The following UBA2 variants were observed in gnomAD, a reference collection of about 807,000 sequenced individuals.
UBA2 encodes the protein SUMO-activating enzyme subunit 2.
UBA2 carries 11 observed loss-of-function variants against 77.2 expected under a neutral mutation model. That is an observed-to-expected ratio of 0.14 (90% confidence interval 0.09 to 0.24). The LOEUF is 0.24. UBA2 is among the 10% of genes least tolerant of loss of function. The pLI is 1.00. For missense variants in UBA2, 487 were observed against 781.7 expected, an observed-to-expected ratio of 0.62 and a Z score of 4.50; for synonymous variants, 278 against 276.7, an observed-to-expected ratio of 1.00 and a Z score of -0.05.
intron 15 of UBA2, among the ~76,000 whole-genome samples, chr19:34,464,881 G>A (rs969214560): frequency 6.6e-6 from 1 of 151,966 alleles, no homozygotes; most frequent in African/African-American, 2.4e-5. Flanking sequence ...AGGTCGAGGC[G>A]GGTGGATCAC....
intron 6 of UBA2, among the ~76,000 whole-genome samples, chr19:34,439,493 A>G (rs1372422330): frequency 6.6e-6 from 1 of 152,194 alleles, no homozygotes; most frequent in Admixed American, 6.5e-5. Flanking sequence ...CTTTACTAAG[A>G]ATCCAATTTA....
chr19:34,442,240 A>C (rs892638807), intron 6 of UBA2, among the ~76,000 whole-genome samples: 15 of 152,148 alleles, frequency 9.9e-5, no homozygotes, highest in Admixed American at 1.3e-4. Context: ...CACACACACA[A>C]AAAAGATAAT....
intron 4 of UBA2, 147 bp downstream of exon 4, chr19:34,433,559 T>C (rs2075277955): frequency 1.6e-6 from 1 of 634,588 alleles, no homozygotes; most frequent in African/African-American, 1.8e-5. Flanking sequence ...TGCCCATTGA[T>C]TGCAGTTTTA....
chr19:34,447,987 A>G (rs2075449848), intron 8 of UBA2, among the ~76,000 whole-genome samples: 1 of 152,162 alleles, frequency 6.6e-6, no homozygotes, highest in Non-Finnish European at 1.5e-5. Flanking sequence ...ATTAAGGGGG[A>G]GAGTGGAAAA....
chr19:34,428,897 G>A, intron 1 of UBA2: 1 of 1,013,020 alleles, frequency 9.9e-7, no homozygotes, highest in Non-Finnish European at 1.2e-6. Context: ...CCGGCTGTTA[G>A]GAGATGCGGG....
chr19:34,452,152 GT>G lies in UBA2; in HGVS notation c.1038+9del. On this transcript the variant is annotated splice_donor_region_variant and intron_variant, in intron 10 of 16. Coordinates refer to ENST00000246548, the MANE Select transcript of UBA2 (RefSeq NM_005499.3). ...GCTGAGCTCATATGGGATAAGGTTCGTTTTGACAATGTGTGGCAAGTACTTA... is the reference window on the plus strand; with the variant it reads ...GCTGAGCTCATATGGGATAAGGTTCGTTTGACAATGTGTGGCAAGTACTTA... 1 of 1,574,514 alleles carries G rather than the reference GT, an allele frequency of 6.4e-7. No individual in the cohort carries two copies. The highest frequency in any genetic ancestry group is 8.7e-7 in the Non-Finnish European group (1 of 1,155,248).
At chr19:34,429,659 G>A (rs2075229097) in intron 1 of UBA2, among the ~76,000 whole-genome samples, 1 of 151,950 alleles carries the variant, frequency 6.6e-6, no homozygotes, top group South Asian at 2.1e-4. Context: ...GCAACATAGA[G>A]AAACCCCGTC....
intron 16 of UBA2, among the ~76,000 whole-genome samples, chr19:34,468,130 T>C (rs79131487): frequency 1.2e-3 from 183 of 152,306 alleles, no homozygotes; most frequent in East Asian, 0.01. Flanking sequence ...TATTTACTCC[T>C]CTCCCTTTCT....
chr19:34,428,631 G>C, intron 1 of UBA2, 61 bp downstream of exon 1: 3 of 1,260,914 alleles, frequency 2.4e-6, no homozygotes, highest in Non-Finnish European at 2.0e-6. Flanking sequence ...GGATTCGGGG[G>C]TTCCGGGGCT....
Position 34,454,537 on chromosome 19 carries a change from A to G in UBA2, c.1226A>G (p.Lys409Arg). 6.3e-7 allele frequency: 1 copy of G among 1,599,290 alleles called. No homozygotes were observed. Among genetic ancestry groups the G allele is most frequent in the Non-Finnish European group, 8.5e-7 (1 of 1,169,764 alleles). ...GAAGGATTGAAGATTTTATCAGGAA[A>G]AATAGACCAGTGCAGAACAGTGAGT... ...VLEGLKILSG[K>R]IDQCRTIFLN... is the part of the protein sequence containing the mutation. The change falls in exon 12 of 17, where the codon AAA (lysine) becomes AGA (arginine). Residue 409 changes from lysine (K) to arginine (R), a missense_variant. By Grantham distance (26) the Lys-to-Arg change is conservative. Around this residue, in one of 9 missense-constraint regions of UBA2, gnomAD observed 300 missense variants for 454.3 expected, o/e 0.66. Transcript: ENST00000246548.
Position 34,434,917 on chromosome 19 carries a change from T to A in UBA2, c.408T>A (p.Leu136=). ...TGTGCCTGGCAGCTGATGTTCCTCTTATTGAAAGTGGAACAGCTGGGTATC... is the reference window on the plus strand; with the variant it reads ...TGTGCCTGGCAGCTGATGTTCCTCTAATTGAAAGTGGAACAGCTGGGTATC... ...NRMCLAADVP[L]IESGTAGYLG... is the part of the protein sequence containing the mutation. Residue 136 remains leucine (L), a synonymous_variant, in exon 5 of 17, where the codon CTT becomes CTA. Coordinates refer to ENST00000246548, the MANE Select transcript of UBA2 (RefSeq NM_005499.3). The A allele has an allele frequency of 6.2e-7, 1 of 1,610,102 alleles. No homozygotes were observed. Among genetic ancestry groups the A allele is most frequent in the African/African-American group, 1.3e-5 (1 of 75,004 alleles).
At chr19:34,466,849 T>TA (rs2075693558) in intron 15 of UBA2, 29 bp from the exon 16 acceptor site, 1 of 1,608,778 alleles carries the variant, frequency 6.2e-7, no homozygotes, top group South Asian at 1.1e-5. Flanking sequence ...TAAATAGTCA[T>TA]AGCAGTGACC....
chr19:34,468,911 T>A, intron 16 of UBA2, 129 bp from the exon 17 acceptor site: 1 of 674,952 alleles, frequency 1.5e-6, no homozygotes, highest in African/African-American at 1.8e-5. Context: ...ATGTGTAAAG[T>A]GAAAATGCAG....
chr19:34,443,633 G>A (rs2075394347), intron 6 of UBA2, among the ~76,000 whole-genome samples: 1 of 151,896 alleles, frequency 6.6e-6, no homozygotes, highest in South Asian at 2.1e-4. Flanking sequence ...GTAGAGACGA[G>A]GTTTCACCAT....
Position 34,454,530 on chromosome 19 carries a change from TC to T in UBA2, c.1220del (p.Ser407Ter). ...LIVLEGLKIL[S>X]GKIDQCRTIF... The stretch of plus-strand genomic sequence containing the variant: ...AGTATTGGAAGGATTGAAGATTTTA[TC>T]AGGAAAAATAGACCAGTGCAGAACA... On this transcript the variant is annotated frameshift_variant, in exon 12 of 17. Transcript: ENST00000246548. LOFTEE classifies it high-confidence loss of function. 1 of 1,604,750 alleles carries T rather than the reference TC, an allele frequency of 6.2e-7. No individual in the cohort carries two copies. Among genetic ancestry groups the T allele is most frequent in the Non-Finnish European group, 8.5e-7 (1 of 1,174,522 alleles).
intron 16 of UBA2, among the ~76,000 whole-genome samples, chr19:34,467,546 G>A (rs551694277): frequency 3.7e-4 from 56 of 152,008 alleles, no homozygotes; most frequent in African/African-American, 1.2e-3. Context: ...AGGCCGAGGC[G>A]GGCAGATCGC....
In UBA2 at chr19:34,438,830, TTTAA is replaced by T. The variant is rs2075337519; in HGVS notation, c.581+68_581+71del. On this transcript the variant is annotated intron_variant, in intron 6 of 16. Coordinates refer to ENST00000246548, the MANE Select transcript of UBA2 (RefSeq NM_005499.3). ...ATGATGGAAAATGGAGTCATTTTTA[TTTAA>T]TTACCTTGAAGAGATTGAACTCAGG... is the stretch of plus-strand genomic sequence containing the variant. The T allele has an allele frequency of 1.9e-6, 3 of 1,584,588 alleles. No homozygotes were observed. The East Asian group carries it at 6.7e-5, about 36-fold the overall frequency.
intron 12 of UBA2, among the ~76,000 whole-genome samples, chr19:34,456,100 C>CTTTTCTTTTTTTTTTTTTTTTTTTTTT (rs2075557152): frequency 1.8e-5 from 1 of 55,782 alleles, no homozygotes; most frequent in South Asian, 7.6e-4. Context: ...TTTTCCTTTT[C>CTTTTCTTTTTTTTTTTTTTTTTTTTTT]TTTTTCTTTT....
At position 34,469,752 on chromosome 19, in the gene UBA2, T is replaced by G. The variant is rs986557356; in HGVS notation, c.*531T>G. ...ATGTTAATTTACTCAAGTTTTCAGT[T>G]TGTACCGCCTGGTATGTCTGTGTAA... On this transcript the variant is annotated 3_prime_UTR_variant, in exon 17 of 17. Transcript: ENST00000246548. The G allele has an allele frequency of 6.6e-6, 1 of 152,620 alleles. No individual in the cohort carries two copies. The highest frequency in any genetic ancestry group is 2.4e-5 in the African/African-American group (1 of 41,458). The allele number at this position is 152,620 out of a possible 1,614,324, so 9.5% of individuals were successfully genotyped here.
Sources: allele counts gnomAD v4.1 joint callset (sites outside exome capture counted in the v4.1 genomes callset), GRCh38; gene constraint gnomAD v4.1.1; regional missense constraint gnomAD v4.1.1; transcripts MANE v1.5; gene names NCBI Gene and HGNC (gene_info 2026-07-23, HGNC 2026-07-21).